The following FNDC7 variants were observed in gnomAD, a reference collection of about 807,000 sequenced individuals.
FNDC7 encodes the protein fibronectin type III domain containing 7, also known as fibronectin type III domain-containing protein 7.
A neutral mutation model predicts 74.2 loss-of-function variants in FNDC7; 66 were observed. The ratio of observed to expected loss-of-function variants is 0.89; its 90% CI spans 0.73 to 1.09. FNDC7 has a LOEUF of 1.09. Ranked by LOEUF, FNDC7 falls within the 50% of genes least tolerant of loss-of-function variation. The probability of loss-of-function intolerance (pLI) is 0.00; values close to 1 mark genes in which losing one functional copy is unlikely to be tolerated. For synonymous variants in FNDC7, 307 were observed against 330.2 expected (o/e 0.93, Z 0.76); for missense variants, 829 against 893.4 (o/e 0.93, Z 0.92).
rs960628952 is a variant in FNDC7, at chr1:108,742,382, T to G, written c.*495T>G. The G allele has an allele frequency of 1.5e-4, 23 of 153,034 alleles. No individual in the cohort carries two copies. Among genetic ancestry groups the G allele is most frequent in the African/African-American group, 5.1e-4 (21 of 41,552 alleles). The allele number at this position is 153,034 out of a possible 1,614,324, so 9.5% of individuals were successfully genotyped here. A position where few individuals can be genotyped will look rare whatever the true frequency, so the allele number is the denominator to read the frequency against. On this transcript the variant is annotated 3_prime_UTR_variant, in exon 13 of 13. Transcript: ENST00000370017. ...AGACAAACCTCCAGCAGGACTTCAG[T>G]ATAGGTTGGAAAGCAGTAGCTGCCA... is the stretch of plus-strand genomic sequence containing the variant.
chr1:108,733,616 G>T, intron 10 of FNDC7, 84 bp downstream of exon 10: 18 of 1,213,966 alleles, frequency 1.5e-5, no homozygotes, highest in Non-Finnish European at 2.0e-5. Context: ...TATTTACTAT[G>T]TATGAAGGGC....
rs1661187341 is a variant in FNDC7 at position 108,725,496 on chromosome 1, T to G, written c.857-254T>G. Among the ~76,000 whole-genome samples the G allele has an allele frequency of 2.0e-5, 3 of 152,174 alleles. No individual in the cohort carries two copies. In the South Asian group the frequency reaches 6.2e-4, roughly 32 times the overall value. ...TGATGGCTCATTATTTCAAACAATA[T>G]TTCATATAACAAGAGAATGTGAGAG... On this transcript the variant is annotated intron_variant, in intron 5 of 12. Transcript: ENST00000370017.
At chr1:108,735,395 C>T (rs1661486217) in intron 10 of FNDC7, among the ~76,000 whole-genome samples, 1 of 152,204 alleles carries the variant, frequency 6.6e-6, no homozygotes, top group East Asian at 1.9e-4. Flanking sequence ...GCCACATCTT[C>T]AAAACTTTTC....
chr1:108,733,490 A>G lies in FNDC7; in HGVS notation c.2098A>G (p.Thr700Ala). Reference protein sequence around the residue: ...YTVMVSPVAKTGLKLTFCPKK... With the variant: ...YTVMVSPVAKAGLKLTFCPKK... Reference sequence around the variant, plus strand: ...TGTGATGGTCTCACCAGTTGCTAAAACAGGATTGAAGCTTACTTTCTGTCC... The same window carrying G: ...TGTGATGGTCTCACCAGTTGCTAAAGCAGGATTGAAGCTTACTTTCTGTCC... The change falls in exon 10 of 13, where the codon ACA (threonine) becomes GCA (alanine). Residue 700 changes from threonine (T) to alanine (A), a missense_variant. Transcript: ENST00000370017. The G allele has an allele frequency of 6.2e-7, 1 of 1,614,058 alleles. No individual in the cohort carries two copies. Among genetic ancestry groups the G allele is most frequent in the Admixed American group, 1.7e-5 (1 of 60,024 alleles).
At chr1:108,732,220 G>A (rs913383544) in intron 9 of FNDC7, among the ~76,000 whole-genome samples, 7 of 152,128 alleles carry the variant, frequency 4.6e-5, no homozygotes, top group East Asian at 1.9e-4. Context: ...ATAGCCAGGC[G>A]TGGTGGCGGG....
chr1:108,741,745 T>C (rs1268286250), intron 11 of FNDC7, 28 bp from the exon 12 acceptor site: 1 of 1,612,054 alleles, frequency 6.2e-7, no homozygotes, highest in South Asian at 1.1e-5. Context: ...ATGCATCTTT[T>C]ACTGCTTCCC....
chr1:108,735,101 C>T (rs1386952618), intron 10 of FNDC7, among the ~76,000 whole-genome samples: 4 of 152,302 alleles, frequency 2.6e-5, no homozygotes, highest in South Asian at 4.1e-4. Flanking sequence ...TTCCTCCCAT[C>T]GTCCTTGTTT....
At chr1:108,739,430 G>C (rs1277031) in intron 11 of FNDC7, among the ~76,000 whole-genome samples, 107,284 of 152,104 alleles carry the variant, frequency 0.71, 38,827 homozygotes, top group African/African-American at 0.77. Context: ...ATTGCTTGAG[G>C]CTGGGAATTC....
In FNDC7 at chr1:108,733,312, C is replaced by A. The variant is rs755863196; in HGVS notation, c.1920C>A (p.Gly640=). ...TGGGGGTGAAATTATATAGGCTGGGCCCTAATGGCATCCGGATCTACTGGC... is the reference window on the plus strand; with the variant it reads ...TGGGGGTGAAATTATATAGGCTGGGACCTAATGGCATCCGGATCTACTGGC... ...CPLGVKLYRL[G]PNGIRIYWQA... Residue 640 remains glycine (G), a synonymous_variant, in exon 10 of 13, where the codon GGC becomes GGA. Transcript: ENST00000370017. The A allele has an allele frequency of 6.2e-7, 1 of 1,613,948 alleles. No homozygotes were observed. Among genetic ancestry groups the A allele is most frequent in the Non-Finnish European group, 8.5e-7 (1 of 1,180,020 alleles).
rs748569296 is a variant in FNDC7 at position 108,730,720 on chromosome 1, A to G, written c.1671A>G (p.Ser557=). 16 of 1,606,800 alleles carry G rather than the reference A, an allele frequency of 1.0e-5. No homozygotes were observed. In the Admixed American group the frequency reaches 2.2e-4, roughly 22 times the overall value. The change falls in exon 9 of 13, where the codon TCA becomes TCG. Residue 557 remains serine, a synonymous_variant. Coordinates refer to ENST00000370017, the MANE Select transcript of FNDC7 (RefSeq NM_001144937.3). ...TGLTVTQITQ[S]VINVSWTIGR... Reference sequence around the variant, plus strand: ...TGACAGTAACTCAAATCACCCAGTCAGTAATCAACGTGAGCTGGACTATTG... The same window carrying G: ...TGACAGTAACTCAAATCACCCAGTCGGTAATCAACGTGAGCTGGACTATTG...
rs141850435 is a variant in FNDC7, at chr1:108,716,320, GGTGTGTGTGTGT to G, written c.83-1412_83-1401del. ...TCATTAGCTTGGGGAGCAGAAGAGA[GGTGTGTGTGTGT>G]GTGTGTGTGTGTGTGTGTGTGTGTG... On this transcript the variant is annotated intron_variant, in intron 2 of 12. Coordinates refer to ENST00000370017, the MANE Select transcript of FNDC7 (RefSeq NM_001144937.3). Among the ~76,000 whole-genome samples, 213 of 95,768 alleles carry G rather than the reference GGTGTGTGTGTGT, an allele frequency of 2.2e-3. 1 individual carries two copies. Among genetic ancestry groups the G allele is most frequent in the African/African-American group, 6.1e-3 (160 of 26,204 alleles). 62.8% of individuals were successfully genotyped at this position (95,768 alleles called of 152,430 possible). A position where few individuals can be genotyped will look rare whatever the true frequency, so the allele number is the denominator to read the frequency against.
chr1:108,715,094 C>T (rs917535468), intron 2 of FNDC7, among the ~76,000 whole-genome samples: 12 of 152,034 alleles, frequency 7.9e-5, no homozygotes, highest in Admixed American at 1.3e-4. Flanking sequence ...AATTGAGTCC[C>T]GGCTTTTCAA....
chr1:108,717,057 T>C (rs1660991921), intron 2 of FNDC7, among the ~76,000 whole-genome samples: 1 of 152,218 alleles, frequency 6.6e-6, no homozygotes, highest in Non-Finnish European at 1.5e-5. Flanking sequence ...TCATATCTCC[T>C]GGCAAACCAT....
In FNDC7 at chr1:108,742,436, T is replaced by C. The variant is rs1284030045; in HGVS notation, c.*549T>C. On this transcript the variant is annotated 3_prime_UTR_variant, in exon 13 of 13. Coordinates refer to ENST00000370017, the MANE Select transcript of FNDC7 (RefSeq NM_001144937.3). ...CAACCTGAGATAACAAACGCCCTCA[T>C]CGCAAGTTAGGAGCAAAGCTGAGCT... 6.6e-6 allele frequency: 1 copy of C among 152,406 alleles called. No homozygotes were observed. Among genetic ancestry groups the C allele is most frequent in the Non-Finnish European group, 1.5e-5 (1 of 68,226 alleles). 9.4% of individuals were successfully genotyped at this position (152,406 alleles called of 1,614,324 possible). A position where few individuals can be genotyped will look rare whatever the true frequency, so the allele number is the denominator to read the frequency against.
At chr1:108,718,696 G>T (rs1229300814) in intron 3 of FNDC7, 93 bp from the exon 4 acceptor site, 3 of 1,294,060 alleles carry the variant, frequency 2.3e-6, no homozygotes, top group African/African-American at 1.5e-5. Context: ...AATAATTATT[G>T]TATATTATGG....
intron 1 of FNDC7, among the ~76,000 whole-genome samples, chr1:108,713,276 A>G (rs1486532508): frequency 6.6e-6 from 1 of 152,236 alleles, no homozygotes; most frequent in East Asian, 1.9e-4. Flanking sequence ...GGGGAAAAAA[A>G]TGAAATAGTA....
intron 11 of FNDC7, among the ~76,000 whole-genome samples, chr1:108,739,097 G>A (rs898731009): frequency 2.7e-5 from 4 of 150,770 alleles, no homozygotes; most frequent in Non-Finnish European, 5.9e-5. Flanking sequence ...TTCAAGGAAG[G>A]GTTTCAAATA....
intron 11 of FNDC7, among the ~76,000 whole-genome samples, chr1:108,741,313 C>T (rs1661639176): frequency 6.6e-6 from 1 of 152,104 alleles, no homozygotes; most frequent in South Asian, 2.1e-4. Flanking sequence ...TGGGGGTGTT[C>T]CTTCATCTTT....
chr1:108,738,397 G>A (rs1661564542), intron 11 of FNDC7, among the ~76,000 whole-genome samples: 1 of 152,156 alleles, frequency 6.6e-6, no homozygotes, highest in Non-Finnish European at 1.5e-5. Context: ...GGAGCCATGA[G>A]TGTTGACCCA....
Sources: allele counts gnomAD v4.1 joint callset (sites outside exome capture counted in the v4.1 genomes callset), GRCh38; gene constraint gnomAD v4.1.1; transcripts MANE v1.5; gene names NCBI Gene and HGNC (gene_info 2026-07-23, HGNC 2026-07-21).